Variants in ACSBG2 observed in about 807,000 individuals in gnomAD.
ACSBG2 encodes the protein long-chain-fatty-acid--CoA ligase ACSBG2.
A neutral mutation model predicts 74.7 loss-of-function variants in ACSBG2; 62 were observed. The ratio of observed to expected loss-of-function variants is 0.83; its 90% CI spans 0.68 to 1.03. ACSBG2 has a LOEUF of 1.03. Ranked by LOEUF, ACSBG2 falls within the 50% of genes least tolerant of loss-of-function variation. ACSBG2 has a pLI of 0.00. For missense variants in ACSBG2, 730 were observed against 817.6 expected, an observed-to-expected ratio of 0.89 and a Z score of 1.31; for synonymous variants, 309 against 294.1, an observed-to-expected ratio of 1.05 and a Z score of -0.52.
intron 4 of ACSBG2, 127 bp from the exon 5 acceptor site, chr19:6,156,304 G>A (rs987637538): frequency 3.1e-6 from 3 of 979,784 alleles, no homozygotes; most frequent in South Asian, 2.0e-5. Context: ...GGGGAGGAAG[G>A]GAAGCTGGTG....
chr19:6,152,551 A>ATTTTT (rs746612699), intron 4 of ACSBG2, among the ~76,000 whole-genome samples: 119 of 20,064 alleles, frequency 5.9e-3, no homozygotes, highest in African/African-American at 6.5e-3. Context: ...CGGCCTCCCA[A>ATTTTT]TTTTTTTTTT....
chr19:6,181,043 C>T (rs1276087366), intron 8 of ACSBG2, among the ~76,000 whole-genome samples: 1 of 125,628 alleles, frequency 8.0e-6, no homozygotes, highest in Admixed American at 8.3e-5. Flanking sequence ...TCCGTCTCTA[C>T]TAAAAAAAAA....
At chr19:6,185,723 T>G (rs1482479549) in intron 11 of ACSBG2, 70 bp downstream of exon 11, 1 of 1,550,128 alleles carries the variant, frequency 6.5e-7, no homozygotes, top group Non-Finnish European at 8.8e-7. Context: ...GGGCCCAGGG[T>G]ACCAGCACGA....
At chr19:6,187,965 A>G in intron 13 of ACSBG2, 120 bp downstream of exon 13, 1 of 1,451,366 alleles carries the variant, frequency 6.9e-7, no homozygotes, top group Non-Finnish European at 9.3e-7. Context: ...AGGGACCAGG[A>G]GAGGGAGGCT....
At chr19:6,176,314 C>T in intron 7 of ACSBG2, 2 of 1,405,588 alleles carry the variant, frequency 1.4e-6, no homozygotes, top group South Asian at 3.9e-5. Flanking sequence ...GTGAGCGCCC[C>T]AATCTTTATG....
Position 6,177,370 on chromosome 19 carries a change from T to C in ACSBG2, c.880T>C (p.Tyr294His), listed in dbSNP as rs1370765015. 6.2e-7 allele frequency: 1 copy of C among 1,606,078 alleles called. No homozygotes were observed. Among genetic ancestry groups the C allele is most frequent in the South Asian group, 1.1e-5 (1 of 90,026 alleles). Residue 294 changes from tyrosine (Y) to histidine (H), a missense_variant, in exon 8 of 15, where the codon TAC (tyrosine) becomes CAC (histidine). Transcript: ENST00000588485. ...ACCCATAAAGATTGGGGCGCTCACATACTTTGCTCAAGCAGATGCTCTCAA... is the reference window on the plus strand; with the variant it reads ...ACCCATAAAGATTGGGGCGCTCACACACTTTGCTCAAGCAGATGCTCTCAA... ...WVPIKIGALTYFAQADALKGT... is the reference protein window; with the variant it reads ...WVPIKIGALTHFAQADALKGT...
At chr19:6,141,896 G>A (rs2088854426) in intron 2 of ACSBG2, among the ~76,000 whole-genome samples, 1 of 152,096 alleles carries the variant, frequency 6.6e-6, no homozygotes, top group Non-Finnish European at 1.5e-5. Flanking sequence ...ACCATGCCCA[G>A]CTCTGTATTT....
rs532047438 is a variant in ACSBG2 at position 6,180,681 on chromosome 19, C to T, written c.907-2070C>T. Among the ~76,000 whole-genome samples, 4 of 152,244 alleles carry T rather than the reference C, an allele frequency of 2.6e-5. No individual in the cohort carries two copies. The highest frequency in any genetic ancestry group is 6.5e-5 in the Admixed American group (1 of 15,296). On this transcript the variant is annotated intron_variant, in intron 8 of 14. Transcript: ENST00000588485. This position sits in a 1 kb window ranked among gnomAD's most constrained non-coding sequence, Gnocchi z 4.3. Reference sequence around the variant, plus strand: ...CTGAAGTACGTGCACCAGAAATGTGCGAAGGTTACAGTTTCTCTACATCTT... The same window carrying T: ...CTGAAGTACGTGCACCAGAAATGTGTGAAGGTTACAGTTTCTCTACATCTT...
chr19:6,183,329 A>G, intron 10 of ACSBG2, 57 bp downstream of exon 10: 3 of 1,496,358 alleles, frequency 2.0e-6, no homozygotes, highest in East Asian at 4.6e-5. Flanking sequence ...CAAGAGGGGG[A>G]AGGTGGGTGG....
chr19:6,188,221 G>T (rs976453046), intron 13 of ACSBG2, among the ~76,000 whole-genome samples: 1 of 152,086 alleles, frequency 6.6e-6, no homozygotes, highest in African/African-American at 2.4e-5. Context: ...TCTTCTCATT[G>T]TCCAGGTCTC....
intron 1 of ACSBG2, among the ~76,000 whole-genome samples, chr19:6,139,629 T>A (rs1199828922): frequency 6.6e-6 from 1 of 152,226 alleles, no homozygotes; most frequent in African/African-American, 2.4e-5. Context: ...GCACGCTCTT[T>A]ATCATGAACA....
intron 6 of ACSBG2, among the ~76,000 whole-genome samples, chr19:6,165,504 AAAT>A (rs2145144577): frequency 1.3e-5 from 2 of 152,348 alleles, no homozygotes; most frequent in African/African-American, 4.8e-5. Context: ...GGCAGCGAAC[AAAT>A]AATACCTAAC....
intron 2 of ACSBG2, 108 bp downstream of exon 2, chr19:6,141,718 C>A: frequency 1.3e-6 from 1 of 743,558 alleles, no homozygotes. Flanking sequence ...CCTTGCCTGA[C>A]CCTGCTGACC....
chr19:6,177,010 A>G (rs2085696355), intron 7 of ACSBG2, among the ~76,000 whole-genome samples: 1 of 151,754 alleles, frequency 6.6e-6, no homozygotes, highest in Non-Finnish European at 1.5e-5. Context: ...GTTAAAAAAA[A>G]ATTAGCTGGG....
chr19:6,167,509 C>G (rs552981273), intron 7 of ACSBG2, among the ~76,000 whole-genome samples: 2 of 152,214 alleles, frequency 1.3e-5, no homozygotes, highest in Non-Finnish European at 2.9e-5. Flanking sequence ...TAGATCCACA[C>G]CCTGGAAATC....
intron 7 of ACSBG2, chr19:6,176,092 C>T: frequency 2.9e-6 from 1 of 346,718 alleles, no homozygotes; most frequent in East Asian, 4.3e-5. Flanking sequence ...TGCAACTCCT[C>T]CTAACTTCAG....
intron 7 of ACSBG2, among the ~76,000 whole-genome samples, chr19:6,172,264 T>C (rs1346956073): frequency 6.6e-6 from 1 of 152,248 alleles, no homozygotes; most frequent in African/African-American, 2.4e-5. Context: ...ACTCTGGCTT[T>C]TTCTACTGCC....
intron 11 of ACSBG2, 38 bp downstream of exon 11, chr19:6,185,691 C>G: frequency 6.2e-7 from 1 of 1,608,220 alleles, no homozygotes; most frequent in Non-Finnish European, 8.5e-7. Context: ...CTCCTGCAAG[C>G]AGGCCCACCC....
chr19:6,166,448 G>A (rs1237673879), intron 7 of ACSBG2, among the ~76,000 whole-genome samples: 2 of 151,802 alleles, frequency 1.3e-5, no homozygotes, highest in Non-Finnish European at 1.5e-5. Context: ...CAGGTAGCTG[G>A]GATTACAGGC....
Sources: allele counts gnomAD v4.1 joint callset (sites outside exome capture counted in the v4.1 genomes callset), GRCh38; gene constraint gnomAD v4.1.1; non-coding constraint Gnocchi (gnomAD v3.1); transcripts MANE v1.5; gene names NCBI Gene and HGNC (gene_info 2026-07-23, HGNC 2026-07-21).